The following STAG1 variants were observed in gnomAD, a reference collection of about 807,000 sequenced individuals.
STAG1 encodes the protein cohesin subunit SA-1.
Under a neutral mutation model 170.9 loss-of-function variants are expected in STAG1, and 26 were observed. The observed-to-expected ratio is 0.15, with a 90% confidence interval of 0.11 to 0.21. The LOEUF is 0.21. STAG1 is among the 10% of genes least tolerant of loss of function. STAG1 has a pLI of 1.00. For missense variants in STAG1, 964 were observed against 1,509.5 expected (o/e 0.64, Z 5.99); for synonymous variants, 514 against 497.7 (o/e 1.03, Z -0.44).
chr3:136,622,457 T>G (rs1939911626), intron 3 of STAG1, among the ~76,000 whole-genome samples: 1 of 152,124 alleles, frequency 6.6e-6, no homozygotes, highest in Non-Finnish European at 1.5e-5. Context: ...GAAACAAGAT[T>G]GGTCATGATT....
chr3:136,668,253 C>T (rs1425379198), intron 1 of STAG1, among the ~76,000 whole-genome samples: 2 of 146,738 alleles, frequency 1.4e-5, no homozygotes, highest in Non-Finnish European at 3.0e-5. Flanking sequence ...ATATATAAAA[C>T]ACATTATATA....
intron 15 of STAG1, among the ~76,000 whole-genome samples, chr3:136,440,230 C>T (rs561768227): frequency 1.9e-4 from 29 of 152,182 alleles, no homozygotes; most frequent in African/African-American, 6.3e-4. Flanking sequence ...CTCTGCCTCC[C>T]GGGTTTACAC....
At position 136,623,165 on chromosome 3, in the gene STAG1, C is replaced by T; in HGVS notation, c.113G>A (p.Gly38Asp). The T allele has an allele frequency of 1.2e-6, 2 of 1,613,616 alleles. No individual in the cohort carries two copies. Among genetic ancestry groups the T allele is most frequent in the Non-Finnish European group, 1.7e-6 (2 of 1,179,688 alleles). ...ACATACTGGAGGCCGGCCAGGACGA[C>T]CCCTTTTTCTTTTTCCTTTGACCTC... ...ETEVKGKRKR[G>D]RPGRPPSTNK... Residue 38 changes from glycine (G) to aspartate (D), a missense_variant, in exon 3 of 34, where the codon GGT (glycine) becomes GAT (aspartate). Physicochemically the swap from Gly to Asp is moderately conservative, Grantham distance 94. Around this residue, in one of 11 missense-constraint regions of STAG1, gnomAD observed 108 missense variants for 120.2 expected, o/e 0.90. Coordinates refer to ENST00000383202, the MANE Select transcript of STAG1 (RefSeq NM_005862.3).
intron 21 of STAG1, among the ~76,000 whole-genome samples, chr3:136,404,838 T>G (rs1008362721): frequency 6.7e-6 from 1 of 150,178 alleles, no homozygotes; most frequent in Non-Finnish European, 1.5e-5. Flanking sequence ...TAGAGAATAA[T>G]AGTAAGGAAA....
intron 23 of STAG1, among the ~76,000 whole-genome samples, chr3:136,371,951 C>T (rs143210631): frequency 0.082 from 12,416 of 152,118 alleles, 1,669 homozygotes; most frequent in African/African-American, 0.28. Flanking sequence ...CTGGGCAGTA[C>T]GGCCATTTTC....
chr3:136,531,813 T>C (rs1935385341), intron 6 of STAG1, among the ~76,000 whole-genome samples: 1 of 148,966 alleles, frequency 6.7e-6, no homozygotes, highest in Non-Finnish European at 1.5e-5. Context: ...TAATGCTAGA[T>C]GATGAGTTAG....
intron 1 of STAG1, among the ~76,000 whole-genome samples, chr3:136,636,420 C>A (rs1053290926): frequency 6.6e-6 from 1 of 152,072 alleles, no homozygotes; most frequent in African/African-American, 2.4e-5. Context: ...AAGTGGTACT[C>A]CATCTACATA....
intron 5 of STAG1, among the ~76,000 whole-genome samples, chr3:136,547,127 T>TA (rs980574373): frequency 1.3e-5 from 2 of 152,168 alleles, no homozygotes; most frequent in African/African-American, 4.8e-5. Context: ...ATAGCATTTT[T>TA]AAAAAATATG....
chr3:136,663,228 T>C (rs1343484772), intron 1 of STAG1, among the ~76,000 whole-genome samples: 4 of 152,168 alleles, frequency 2.6e-5, no homozygotes, highest in South Asian at 2.1e-4. Context: ...GATGATGATG[T>C]TGACAAACAG....
chr3:136,376,605 C>T (rs148562441), intron 23 of STAG1, among the ~76,000 whole-genome samples: 48 of 152,230 alleles, frequency 3.2e-4, no homozygotes, highest in South Asian at 6.2e-4. Context: ...TATTACTAGG[C>T]CCCTGGGTGG....
chr3:136,521,837 T>G (rs983259981), intron 6 of STAG1, among the ~76,000 whole-genome samples: 1 of 152,186 alleles, frequency 6.6e-6, no homozygotes, highest in Non-Finnish European at 1.5e-5. Flanking sequence ...TAAATTGAAT[T>G]TTTAAGAAGT....
chr3:136,526,595 A>T (rs1290099950), intron 6 of STAG1, among the ~76,000 whole-genome samples: 2 of 152,176 alleles, frequency 1.3e-5, no homozygotes, highest in Admixed American at 6.5e-5. Flanking sequence ...GTCCATTTAC[A>T]TTTAAGGTTA....
intron 25 of STAG1, among the ~76,000 whole-genome samples, chr3:136,364,861 A>G (rs951745010): frequency 6.6e-6 from 1 of 152,208 alleles, no homozygotes; most frequent in Non-Finnish European, 1.5e-5. Context: ...GTATGTTTCC[A>G]TGATGTGAAA....
In STAG1 at chr3:136,731,868, C is replaced by T. The variant is rs147139338; in HGVS notation, c.-84+20327G>A. ...ATCAACATTTTATTTGGCCTGTGCA[C>T]TTATCAGCTAGTGGAAAGCATAAAT... is the stretch of plus-strand genomic sequence containing the variant. On this transcript the variant is annotated intron_variant, in intron 1 of 33. Coordinates refer to ENST00000383202, the MANE Select transcript of STAG1 (RefSeq NM_005862.3). Among the ~76,000 whole-genome samples, 441 of 152,296 alleles carry T rather than the reference C, an allele frequency of 2.9e-3. 1 individual carries two copies. Among genetic ancestry groups the T allele is most frequent in the Admixed American group, 5.4e-3 (82 of 15,300 alleles).
intron 9 of STAG1, among the ~76,000 whole-genome samples, chr3:136,486,962 G>A (rs937357224): frequency 8.1e-6 from 1 of 122,814 alleles, no homozygotes; most frequent in South Asian, 2.5e-4. Flanking sequence ...CAGAACACAG[G>A]TTCTCTGTAT....
chr3:136,666,815 G>C (rs1941797879), intron 1 of STAG1, among the ~76,000 whole-genome samples: 1 of 145,814 alleles, frequency 6.9e-6, no homozygotes, highest in Middle Eastern at 3.5e-3. Flanking sequence ...GTGAAACTCT[G>C]TCTTTAAAAA....
At chr3:136,429,228 G>A (rs1364634161) in intron 16 of STAG1, among the ~76,000 whole-genome samples, 6 of 152,162 alleles carry the variant, frequency 3.9e-5, no homozygotes, top group African/African-American at 1.2e-4. Context: ...CCAACGTGGC[G>A]AAACCCTGTG....
intron 4 of STAG1, among the ~76,000 whole-genome samples, chr3:136,595,519 C>T (rs1255058566): frequency 6.6e-6 from 1 of 151,840 alleles, no homozygotes; most frequent in Non-Finnish European, 1.5e-5. Flanking sequence ...CGGTAAAACC[C>T]TGTCTCTACT....
At position 136,544,891 on chromosome 3, in the gene STAG1, GCTTT is replaced by G. The variant is rs1487907626; in HGVS notation, c.395-2700_395-2697del. Reference sequence around the variant, plus strand: ...CAAAAGATCCTTCCAAATAGCAGATGCTTTCTAAGTAATTGCTCCATGTATAAAT... The same window carrying G: ...CAAAAGATCCTTCCAAATAGCAGATGCTAAGTAATTGCTCCATGTATAAAT... On this transcript the variant is annotated intron_variant, in intron 5 of 33. Coordinates refer to ENST00000383202, the MANE Select transcript of STAG1 (RefSeq NM_005862.3). Among the ~76,000 whole-genome samples the G allele has an allele frequency of 3.3e-5, 5 of 152,206 alleles. No individual in the cohort carries two copies. In the South Asian group the frequency reaches 8.3e-4, roughly 25 times the overall value.
Sources: allele counts gnomAD v4.1 joint callset (sites outside exome capture counted in the v4.1 genomes callset), GRCh38; gene constraint gnomAD v4.1.1; regional missense constraint gnomAD v4.1.1; transcripts MANE v1.5; gene names NCBI Gene and HGNC (gene_info 2026-07-23, HGNC 2026-07-21).